MTPAP: variants seen among roughly 807,000 people sequenced by gnomAD.
The protein encoded by MTPAP is poly(A) RNA polymerase, mitochondrial.
A neutral mutation model predicts 48.7 loss-of-function variants in MTPAP; 23 were observed. That is an observed-to-expected ratio of 0.47 (90% CI 0.34 to 0.67). The LOEUF is 0.67. Among genes scored for constraint, MTPAP ranks in the 30% least tolerant of loss-of-function variants. The pLI, the probability that MTPAP is intolerant of heterozygous loss-of-function variation, is 0.01. For missense variants in MTPAP, 614 were observed against 694.3 expected, an observed-to-expected ratio of 0.88 and a Z score of 1.30; for synonymous variants, 257 against 254.1, an observed-to-expected ratio of 1.01 and a Z score of -0.11.
chr10:30,314,233 G>A (rs1588710600), intron 8 of MTPAP, among the ~76,000 whole-genome samples: 1 of 151,662 alleles, frequency 6.6e-6, no homozygotes, highest in Admixed American at 6.6e-5. Context: ...GGATGATGAT[G>A]TCATTGCTCA....
At position 30,323,138 on chromosome 10, in the gene MTPAP, A is replaced by AG. The variant is rs1246759314; in HGVS notation, c.993-522_993-521insC. Among the ~76,000 whole-genome samples the AG allele has an allele frequency of 2.4e-4, 30 of 124,226 alleles. No individual in the cohort carries two copies. The East Asian group carries it at 2.5e-3, about 10-fold the overall frequency. The allele number at this position is 124,226 out of a possible 152,430, so 81.5% of individuals were successfully genotyped here. On this transcript the variant is annotated intron_variant, in intron 5 of 8. Coordinates refer to ENST00000263063, the MANE Select transcript of MTPAP (RefSeq NM_018109.4). ...AGCAAGACTCCGTTTCAAAAAAAAAAAAAAAAAAAAAAGAAAGAAAATGTA... is the reference window on the plus strand; with the variant it reads ...AGCAAGACTCCGTTTCAAAAAAAAAAGAAAAAAAAAAAAGAAAGAAAATGTA...
chr10:30,341,327 G>C (rs917513710), intron 2 of MTPAP, 141 bp downstream of exon 2: 1 of 1,094,864 alleles, frequency 9.1e-7, no homozygotes, highest in African/African-American at 1.6e-5. Context: ...ACTCATTAAA[G>C]AAATCTAGAT....
chr10:30,322,700 A>C, intron 5 of MTPAP, 83 bp from the exon 6 acceptor site: 1 of 900,412 alleles, frequency 1.1e-6, no homozygotes, highest in Non-Finnish European at 1.8e-6. Context: ...CAAGAAACAC[A>C]TCTAAATATC....
intron 8 of MTPAP, among the ~76,000 whole-genome samples, chr10:30,314,983 C>T (rs1212205042): frequency 6.6e-6 from 1 of 151,546 alleles, no homozygotes; most frequent in Non-Finnish European, 1.5e-5. Context: ...ATCTTTTCCT[C>T]TTTCAAATGA....
At chr10:30,327,416 T>G (rs1292526779) in intron 4 of MTPAP, among the ~76,000 whole-genome samples, 1 of 151,612 alleles carries the variant, frequency 6.6e-6, no homozygotes, top group East Asian at 1.9e-4. Flanking sequence ...GGAGAATTAC[T>G]TGAACCCAGG....
intron 4 of MTPAP, among the ~76,000 whole-genome samples, chr10:30,330,657 C>T (rs1046166790): frequency 1.3e-5 from 2 of 152,188 alleles, no homozygotes; most frequent in African/African-American, 4.8e-5. Flanking sequence ...ATTGAAGCTG[C>T]TCACCATATG....
intron 1 of MTPAP, among the ~76,000 whole-genome samples, chr10:30,347,059 T>C (rs545799351): frequency 9.9e-5 from 15 of 152,240 alleles, no homozygotes; most frequent in Admixed American, 1.3e-4. Flanking sequence ...CAGATTGGTA[T>C]AGTCTCCCTT....
intron 4 of MTPAP, among the ~76,000 whole-genome samples, chr10:30,332,478 G>A (rs555071080): frequency 6.6e-6 from 1 of 152,054 alleles, no homozygotes; most frequent in Non-Finnish European, 1.5e-5. Flanking sequence ...ATTTTTAGTA[G>A]AGACGGGGTT....
chr10:30,347,191 T>C (rs1286233729), intron 1 of MTPAP, among the ~76,000 whole-genome samples: 2 of 152,216 alleles, frequency 1.3e-5, no homozygotes, highest in Admixed American at 6.5e-5. Flanking sequence ...ATGAAACCTA[T>C]GTCAAAACTA....
chr10:30,314,058 A>T (rs943708839), intron 8 of MTPAP, 87 bp from the exon 9 acceptor site: 2 of 1,396,218 alleles, frequency 1.4e-6, no homozygotes, highest in Non-Finnish European at 2.0e-6. Context: ...ATGTCAAAAC[A>T]CATAAAACAC....
intron 6 of MTPAP, among the ~76,000 whole-genome samples, chr10:30,317,698 T>C (rs866901676): frequency 6.6e-5 from 10 of 152,142 alleles, no homozygotes; most frequent in African/African-American, 2.4e-4. Flanking sequence ...TCTGACTGCA[T>C]TGTGACTGTT....
intron 6 of MTPAP, 60 bp downstream of exon 6, chr10:30,322,331 T>C: frequency 7.6e-7 from 1 of 1,310,898 alleles, no homozygotes; most frequent in Non-Finnish European, 1.1e-6. Context: ...TAACACATGG[T>C]AATTATATTT....
At chr10:30,320,557 A>G (rs1431259474) in intron 6 of MTPAP, among the ~76,000 whole-genome samples, 1 of 152,150 alleles carries the variant, frequency 6.6e-6, no homozygotes, top group Non-Finnish European at 1.5e-5. Flanking sequence ...TTTTAAAAAA[A>G]TAGTGACCAT....
Position 30,313,607 on chromosome 10 carries a change from C to A in MTPAP, c.*2G>T. On this transcript the variant is annotated 3_prime_UTR_variant, in exon 9 of 9. Transcript: ENST00000263063. ...CCAGTTCTTTACACAATGTAGCAGC[C>A]ATCATGTCTGAGTACTAATTGTTCT... The A allele has an allele frequency of 6.2e-7, 1 of 1,614,170 alleles. No homozygotes were observed.
Position 30,340,208 on chromosome 10 carries a change from G to A in MTPAP, c.555+18C>T. 2 of 1,577,214 alleles carry A rather than the reference G, an allele frequency of 1.3e-6. No individual in the cohort carries two copies. Among genetic ancestry groups the A allele is most frequent in the South Asian group, 1.1e-5 (1 of 90,318 alleles). ...AAAATACATAGTTCTAAAAGTTGAG[G>A]TACACCTAAAAACTTACACTTTCTG... On this transcript the variant is annotated intron_variant, in intron 3 of 8. Coordinates refer to ENST00000263063, the MANE Select transcript of MTPAP (RefSeq NM_018109.4).
intron 6 of MTPAP, among the ~76,000 whole-genome samples, chr10:30,318,077 T>G (rs901961585): frequency 6.6e-6 from 1 of 152,130 alleles, no homozygotes; most frequent in Non-Finnish European, 1.5e-5. Flanking sequence ...CAGGCTGGTC[T>G]CAAACTCCTG....
chr10:30,321,839 C>T (rs1361433657), intron 6 of MTPAP, among the ~76,000 whole-genome samples: 4 of 152,172 alleles, frequency 2.6e-5, no homozygotes, highest in Non-Finnish European at 5.9e-5. Flanking sequence ...TCCAGCAGGC[C>T]TCAGCAAGGC....
intron 5 of MTPAP, among the ~76,000 whole-genome samples, chr10:30,324,206 A>G (rs531695348): frequency 6.6e-6 from 1 of 152,174 alleles, no homozygotes; most frequent in South Asian, 2.1e-4. Flanking sequence ...ATATATATAT[A>G]AAATCGATAA....
At chr10:30,331,708 A>G (rs1456302195) in intron 4 of MTPAP, among the ~76,000 whole-genome samples, 1 of 152,188 alleles carries the variant, frequency 6.6e-6, no homozygotes, top group Non-Finnish European at 1.5e-5. Context: ...CTGGGATTAC[A>G]GGCACCCGCC....
Sources: gnomAD v4.1 joint callset for allele counts (sites outside exome capture counted in the v4.1 genomes callset) on GRCh38, gnomAD v4.1.1 for gene constraint, MANE v1.5 for transcripts, NCBI Gene and HGNC (gene_info 2026-07-23, HGNC 2026-07-21) for gene names.